FHIT: variants seen among roughly 807,000 people sequenced by gnomAD.
FHIT encodes bis(5'-adenosyl)-triphosphatase.
A neutral mutation model predicts 17.9 loss-of-function variants in FHIT; 19 were observed. That is an observed-to-expected ratio of 1.06 (90% CI 0.74 to 1.56). The LOEUF is 1.56. Ranked by LOEUF, FHIT falls within the 40% of genes most tolerant of loss-of-function variation. The pLI, the probability that FHIT is intolerant of heterozygous loss-of-function variation, is 0.00. For missense variants in FHIT, 248 were observed against 189.2 expected (o/e 1.31, Z -1.82); for synonymous variants, 81 against 69.7 (o/e 1.16, Z -0.81).
At chr3:60,640,407 A>C (rs1553685035) in intron 4 of FHIT, among the ~76,000 whole-genome samples, 1 of 152,214 alleles carries the variant, frequency 6.6e-6, no homozygotes, top group African/African-American at 2.4e-5. Flanking sequence ...CATGATTATT[A>C]AAATGGTGTA....
intron 4 of FHIT, among the ~76,000 whole-genome samples, chr3:60,773,447 T>C (rs1313130856): frequency 6.6e-6 from 1 of 152,218 alleles, no homozygotes; most frequent in African/African-American, 2.4e-5. Flanking sequence ...TTCATTGCAT[T>C]AGTCTTTATA....
At chr3:61,244,261 T>C (rs1164087570) in intron 1 of FHIT, 2 of 152,178 alleles carry the variant, frequency 1.3e-5, no homozygotes, top group East Asian at 3.8e-4. Context: ...CAGGTGATTC[T>C]AACTTACAGC....
At chr3:60,035,362 G>A (rs1024670473) in intron 5 of FHIT, among the ~76,000 whole-genome samples, 2 of 152,082 alleles carry the variant, frequency 1.3e-5, no homozygotes, top group Non-Finnish European at 2.9e-5. Flanking sequence ...TCAGCCTCCC[G>A]AGTAGCTGGG....
chr3:60,365,981 T>C (rs961000403), intron 5 of FHIT, among the ~76,000 whole-genome samples: 1 of 152,208 alleles, frequency 6.6e-6, no homozygotes, highest in African/African-American at 2.4e-5. Flanking sequence ...TTGCCTTCAT[T>C]GAATGACCAA....
At chr3:60,309,477 C>T (rs6766165) in intron 5 of FHIT, among the ~76,000 whole-genome samples, 21,278 of 152,050 alleles carry the variant, frequency 0.14, 1,575 homozygotes, top group African/African-American at 0.17. Flanking sequence ...CCCAAGATGA[C>T]GACAAAACTT....
chr3:60,054,643 C>T (rs1383210287), intron 5 of FHIT, among the ~76,000 whole-genome samples: 5 of 152,132 alleles, frequency 3.3e-5, no homozygotes, highest in Non-Finnish European at 5.9e-5. Context: ...GCCTGATCTG[C>T]TTATTAATAA....
At chr3:60,988,963 A>C (rs1332514363) in intron 3 of FHIT, among the ~76,000 whole-genome samples, 3 of 148,796 alleles carry the variant, frequency 2.0e-5, no homozygotes, top group Non-Finnish European at 3.0e-5. Flanking sequence ...AAAAAAAAAA[A>C]AAAAAAAAAA....
intron 5 of FHIT, among the ~76,000 whole-genome samples, chr3:60,309,419 G>T (rs1302489659): frequency 1.3e-5 from 2 of 151,918 alleles, no homozygotes; most frequent in Non-Finnish European, 2.9e-5. Flanking sequence ...TTTAACATAG[G>T]CTACTTTGAA....
intron 5 of FHIT, among the ~76,000 whole-genome samples, chr3:60,291,869 A>G (rs1708000067): frequency 6.6e-6 from 1 of 152,122 alleles, no homozygotes; most frequent in Non-Finnish European, 1.5e-5. Flanking sequence ...GAATATCAGG[A>G]GCCACTAGAA....
Position 59,981,327 on chromosome 3 carries a change from T to C in FHIT, c.279+30044A>G, listed in dbSNP as rs575362936. Among the ~76,000 whole-genome samples, 31 of 152,258 alleles carry C rather than the reference T, an allele frequency of 2.0e-4. No homozygotes were observed. In the Middle Eastern group the frequency reaches 0.01, roughly 50 times the overall value. ...GGAAGAACTGAACGCTGTCCTGTCT[T>C]GTCTAAGTTTCAGAGTAATCCCTAT... On this transcript the variant is annotated intron_variant, in intron 7 of 9. Coordinates refer to ENST00000492590, the MANE Select transcript of FHIT (RefSeq NM_002012.4).
At chr3:59,959,940 T>C (rs943042411) in intron 7 of FHIT, among the ~76,000 whole-genome samples, 20 of 151,958 alleles carry the variant, frequency 1.3e-4, no homozygotes, top group African/African-American at 4.6e-4. Flanking sequence ...GATAATAACA[T>C]ATGTAGAGGT....
chr3:60,027,291 C>G (rs1304746694), intron 5 of FHIT, among the ~76,000 whole-genome samples: 1 of 151,938 alleles, frequency 6.6e-6, no homozygotes, highest in Admixed American at 6.6e-5. Flanking sequence ...GGAAACAAAA[C>G]AAATGTTCTG....
chr3:60,580,302 G>A (rs1396522901), intron 4 of FHIT, among the ~76,000 whole-genome samples: 1 of 152,018 alleles, frequency 6.6e-6, no homozygotes, highest in Non-Finnish European at 1.5e-5. Context: ...TACATGCCCT[G>A]TTAAAGAAAA....
intron 5 of FHIT, among the ~76,000 whole-genome samples, chr3:60,096,544 G>C (rs1576089770): frequency 6.6e-6 from 1 of 152,156 alleles, no homozygotes; most frequent in East Asian, 1.9e-4. Context: ...TTGGTTCGGA[G>C]GTGGGATTTC....
chr3:60,459,223 A>G (rs184989262), intron 5 of FHIT, among the ~76,000 whole-genome samples: 4 of 152,342 alleles, frequency 2.6e-5, no homozygotes, highest in Admixed American at 6.5e-5. Context: ...GTGAATTAGT[A>G]TATTTTAAGG....
intron 8 of FHIT, among the ~76,000 whole-genome samples, chr3:59,863,153 G>A (rs1575605089): frequency 6.6e-6 from 1 of 152,306 alleles, no homozygotes; most frequent in East Asian, 1.9e-4. Flanking sequence ...AGAAACCTGG[G>A]TCAATGCTTG....
chr3:60,805,868 A>AG (rs1701366561), intron 4 of FHIT, among the ~76,000 whole-genome samples: 2 of 152,178 alleles, frequency 1.3e-5, no homozygotes, highest in African/African-American at 2.4e-5. Context: ...CTACCTTTAA[A>AG]GGGGTAATTA....
At chr3:60,590,253 A>G (rs2038041492) in intron 4 of FHIT, among the ~76,000 whole-genome samples, 2 of 152,090 alleles carry the variant, frequency 1.3e-5, no homozygotes, top group African/African-American at 2.4e-5. Context: ...CAAAGATCTA[A>G]TTCAAATGAC....
intron 8 of FHIT, among the ~76,000 whole-genome samples, chr3:59,805,845 G>A (rs1414509291): frequency 6.6e-6 from 1 of 152,140 alleles, no homozygotes; most frequent in Non-Finnish European, 1.5e-5. Context: ...ATGCTACTCT[G>A]TAGACACTAC....
Sources: gnomAD v4.1 joint callset for allele counts (sites outside exome capture counted in the v4.1 genomes callset) on GRCh38, gnomAD v4.1.1 for gene constraint, MANE v1.5 for transcripts, NCBI Gene and HGNC (gene_info 2026-07-23, HGNC 2026-07-21) for gene names.